The following CIB4 variants were observed in gnomAD, a reference collection of about 807,000 sequenced individuals.
CIB4 encodes the protein calcium and integrin binding family member 4.
Under a neutral mutation model 25.8 loss-of-function variants are expected in CIB4, and 25 were observed. The ratio of observed to expected loss-of-function variants is 0.97; its 90% CI spans 0.71 to 1.35. The LOEUF (loss-of-function observed/expected upper bound fraction) is 1.35, where lower values mean the gene tolerates loss of function less well. CIB4 is among the 40% of genes most tolerant of loss of function. The pLI, the probability that CIB4 is intolerant of heterozygous loss-of-function variation, is 0.00. For synonymous variants in CIB4, 75 were observed against 81.4 expected, an observed-to-expected ratio of 0.92 and a Z score of 0.42; for missense variants, 235 against 228.2, an observed-to-expected ratio of 1.03 and a Z score of -0.19.
chr2:26,610,005 C>G (rs1309736302), intron 3 of CIB4, among the ~76,000 whole-genome samples: 1 of 152,252 alleles, frequency 6.6e-6, no homozygotes, highest in Non-Finnish European at 1.5e-5. Flanking sequence ...AACATTCGCT[C>G]CTCTGCTTCT....
chr2:26,601,231 A>AAAAAAAATATAT (rs1395827334), intron 3 of CIB4, among the ~76,000 whole-genome samples: 7 of 17,226 alleles, frequency 4.1e-4, no homozygotes, highest in Admixed American at 8.7e-4. Flanking sequence ...AAAAAAAAAA[A>AAAAAAAATATAT]ATATATATAT....
In CIB4 at chr2:26,595,325, C is replaced by A. The variant is rs375621869; in HGVS notation, c.187-8G>T. The A allele has an allele frequency of 6.2e-7, 1 of 1,609,556 alleles. No homozygotes were observed. The highest frequency in any genetic ancestry group is 8.5e-7 in the Non-Finnish European group (1 of 1,176,454). On this transcript the variant is annotated splice_region_variant and splice_polypyrimidine_tract_variant and intron_variant, in intron 3 of 6. Coordinates refer to ENST00000288861, the MANE Select transcript of CIB4 (RefSeq NM_001029881.3). Reference sequence around the variant, plus strand: ...GTCTCTGAAAGGGTTGACCTGTGGGCGACAGGAGGAGCAGGGAGGAGGTCT... The same window carrying A: ...GTCTCTGAAAGGGTTGACCTGTGGGAGACAGGAGGAGCAGGGAGGAGGTCT...
chr2:26,589,117 T>TTCTTCTTCTTCTTCTTCC (rs1668533219), intron 4 of CIB4, among the ~76,000 whole-genome samples: 1 of 120,808 alleles, frequency 8.3e-6, no homozygotes, highest in African/African-American at 4.2e-5. Context: ...CCTCTTCTTC[T>TTCTTCTTCTTCTTCTTCC]TCTTCTTCTT....
At chr2:26,605,625 C>T in intron 3 of CIB4, 3 of 463,896 alleles carry the variant, frequency 6.5e-6, no homozygotes, top group Admixed American at 4.8e-5. Context: ...AGTATCTCTA[C>T]CAGAAGGTGG....
At chr2:26,631,197 G>A (rs7563543) in intron 2 of CIB4, among the ~76,000 whole-genome samples, 51,896 of 152,026 alleles carry the variant, frequency 0.34, 9,637 homozygotes, top group Non-Finnish European at 0.42. Context: ...AGTGAAGACC[G>A]GGTGCGGCGG....
intron 3 of CIB4, among the ~76,000 whole-genome samples, chr2:26,617,393 C>T (rs183523007): frequency 1.3e-5 from 2 of 152,256 alleles, no homozygotes; most frequent in African/African-American, 4.8e-5. Flanking sequence ...GGCAAGTTGG[C>T]AGGACAGTCT....
intron 4 of CIB4, 32 bp downstream of exon 4, chr2:26,595,144 C>T (rs1298682635): frequency 1.3e-6 from 2 of 1,589,396 alleles, no homozygotes; most frequent in Admixed American, 3.4e-5. Flanking sequence ...GGCCTTTCCA[C>T]CCCTCACCCC....
At chr2:26,608,369 C>G (rs1305000253) in intron 3 of CIB4, among the ~76,000 whole-genome samples, 1 of 152,098 alleles carries the variant, frequency 6.6e-6, no homozygotes, top group African/African-American at 2.4e-5. Context: ...GGCACTAACA[C>G]ATTGGCTGTG....
chr2:26,593,306 ATGTGTGTG>A (rs142260376), intron 4 of CIB4, among the ~76,000 whole-genome samples: 1 of 147,514 alleles, frequency 6.8e-6, no homozygotes, highest in Admixed American at 6.7e-5. Flanking sequence ...ATGTAGAGAT[ATGTGTGTG>A]TGTGTGTGTA....
intron 3 of CIB4, among the ~76,000 whole-genome samples, chr2:26,597,594 A>G (rs1268114188): frequency 6.6e-6 from 1 of 152,206 alleles, no homozygotes; most frequent in Non-Finnish European, 1.5e-5. Flanking sequence ...ATCTTACTAT[A>G]TCCATTAAAG....
intron 3 of CIB4, among the ~76,000 whole-genome samples, chr2:26,599,318 GT>G (rs1455900156): frequency 3.9e-5 from 6 of 152,154 alleles, no homozygotes; most frequent in African/African-American, 2.4e-5. Flanking sequence ...AATTCTGGGA[GT>G]TTTTTTGGAA....
chr2:26,608,663 G>A (rs910765755), intron 3 of CIB4, among the ~76,000 whole-genome samples: 4 of 152,192 alleles, frequency 2.6e-5, no homozygotes, highest in Admixed American at 6.5e-5. Context: ...GTGGCGATGC[G>A]ATGGGGGCTG....
intron 4 of CIB4, among the ~76,000 whole-genome samples, chr2:26,593,075 A>G (rs1668613672): frequency 6.6e-6 from 1 of 152,200 alleles, no homozygotes; most frequent in Admixed American, 6.5e-5. Flanking sequence ...TCCAACGAAC[A>G]AAAAGGTGGG....
intron 3 of CIB4, among the ~76,000 whole-genome samples, chr2:26,625,253 A>T (rs1669280196): frequency 6.6e-6 from 1 of 151,584 alleles, no homozygotes; most frequent in Admixed American, 6.6e-5. Flanking sequence ...GCTGGCAGTT[A>T]GGGAGTGTTT....
intron 4 of CIB4, among the ~76,000 whole-genome samples, chr2:26,585,347 G>C (rs1416262986): frequency 6.6e-6 from 1 of 151,878 alleles, no homozygotes; most frequent in Non-Finnish European, 1.5e-5. Flanking sequence ...GGTGTGAGGG[G>C]AGCAGAGGGT....
chr2:26,608,657 C>T (rs1049713765), intron 3 of CIB4, among the ~76,000 whole-genome samples: 15 of 152,112 alleles, frequency 9.9e-5, no homozygotes, highest in African/African-American at 2.2e-4. Flanking sequence ...ACAGGGGTGG[C>T]GATGCGATGG....
rs11686499 is a variant in CIB4 at position 26,613,846 on chromosome 2, G to A, written c.186+15564C>T. ...GGTCTCTCTGTAGTCGGGCCTGTGC[G>A]GGGCCTGTCCTGCCTCTCTGCACCT... On this transcript the variant is annotated intron_variant, in intron 3 of 6. Transcript: ENST00000288861. 6.1e-3 allele frequency among the ~76,000 whole-genome samples: 935 copies of A among 152,352 alleles called. 8 individuals carry two copies. The Middle Eastern group carries it at 0.065, about 11-fold the overall frequency.
chr2:26,605,479 G>A (rs1433346907), intron 3 of CIB4: 1 of 470,762 alleles, frequency 2.1e-6, no homozygotes, highest in Non-Finnish European at 4.4e-6. Context: ...GACGCCACAG[G>A]TAGATGAAGT....
chr2:26,582,394 A>G (rs1223233839), intron 6 of CIB4, among the ~76,000 whole-genome samples: 1 of 152,158 alleles, frequency 6.6e-6, no homozygotes, highest in Non-Finnish European at 1.5e-5. Flanking sequence ...CTCCTGCTCT[A>G]AGAAATAGAA....
Sources: gnomAD v4.1 joint callset for allele counts (sites outside exome capture counted in the v4.1 genomes callset) on GRCh38, gnomAD v4.1.1 for gene constraint, MANE v1.5 for transcripts, NCBI Gene and HGNC (gene_info 2026-07-23, HGNC 2026-07-21) for gene names.